PRPS1: variants seen among roughly 807,000 people sequenced by gnomAD.
PRPS1 encodes ribose-phosphate pyrophosphokinase 1.
PRPS1 carries 1 observed loss-of-function variant against 16.9 expected under a neutral mutation model. That is an observed-to-expected ratio of 0.06 (90% CI 0.02 to 0.28). The LOEUF (loss-of-function observed/expected upper bound fraction) is 0.28, where lower values mean the gene tolerates loss of function less well. Among genes scored for constraint, PRPS1 ranks in the 10% least tolerant of loss-of-function variants. The pLI is 1.00. For synonymous variants in PRPS1, 70 were observed against 90.2 expected (o/e 0.78, Z 1.27); for missense variants, 47 against 254.0 (o/e 0.19, Z 5.54).
In PRPS1 at chrX:107,634,453, G is replaced by A. The variant is rs1275037463; in HGVS notation, c.123-4842G>A. 8.5e-5 allele frequency among the ~76,000 whole-genome samples: 9 copies of A among 105,366 alleles called. No individual in the cohort carries two copies. The East Asian group carries it at 2.1e-3, about 24-fold the overall frequency. The allele number at this position is 105,366 out of a possible 115,157, so 91.5% of individuals were successfully genotyped here. Reference sequence around the variant, plus strand: ...TCACCATGTTAGCCAGGATGGTCTCGATCTCCTGACCTCAGGTGATCTGCC... The same window carrying A: ...TCACCATGTTAGCCAGGATGGTCTCAATCTCCTGACCTCAGGTGATCTGCC... On this transcript the variant is annotated intron_variant, in intron 1 of 6. Coordinates refer to ENST00000372435, the MANE Select transcript of PRPS1 (RefSeq NM_002764.4).
chrX:107,646,165 C>T (rs1456090565), intron 5 of PRPS1, among the ~76,000 whole-genome samples: 1 of 111,560 alleles, frequency 9.0e-6, no homozygotes, highest in Non-Finnish European at 1.9e-5. Context: ...TGTAGTAGTA[C>T]AATTACGGCT....
intron 1 of PRPS1, among the ~76,000 whole-genome samples, chrX:107,634,790 A>G (rs1292752693): frequency 2.7e-5 from 3 of 110,226 alleles, no homozygotes; most frequent in Non-Finnish European, 5.7e-5. Flanking sequence ...ACTGTGGTCT[A>G]AGAATGTTGT....
Position 107,647,690 on chromosome X carries a change from C to T in PRPS1, c.789C>T (p.Asn263=), listed in dbSNP as rs1210109668. The T allele has an allele frequency of 2.5e-6, 3 of 1,208,855 alleles. No individual in the cohort carries two copies. Among genetic ancestry groups the T allele is most frequent in the African/African-American group, 1.8e-5 (1 of 57,082 alleles). The stretch of plus-strand genomic sequence containing the variant: ...GTCCTGCTATTTCTCGCATCAACAA[C>T]GCATGCTTTGAGGCAGTAGTAGTCA... ...FSGPAISRIN[N]ACFEAVVVTN... is the part of the protein sequence containing the mutation. Residue 263 remains asparagine (N), a synonymous_variant, in exon 6 of 7, where the codon AAC becomes AAT. Coordinates refer to ENST00000372435, the MANE Select transcript of PRPS1 (RefSeq NM_002764.4).
chrX:107,633,080 A>G (rs1925342365), intron 1 of PRPS1, among the ~76,000 whole-genome samples: 1 of 111,762 alleles, frequency 8.9e-6, no homozygotes, highest in Admixed American at 9.6e-5. Context: ...AAGTTATTAG[A>G]TACATGCCTT....
In PRPS1 at chrX:107,642,320, G is replaced by A. The variant is rs372046005; in HGVS notation, c.406-46G>A. 5 of 1,206,336 alleles carry A rather than the reference G, an allele frequency of 4.1e-6. No homozygotes were observed. The African/African-American group carries it at 8.7e-5, about 21-fold the overall frequency. Reference sequence around the variant, plus strand: ...ACTTTGTGTTTGCCATTTATAAATGGAAGAGAAGGAAAGTGAAGCAAAACT... The same window carrying A: ...ACTTTGTGTTTGCCATTTATAAATGAAAGAGAAGGAAAGTGAAGCAAAACT... On this transcript the variant is annotated intron_variant, in intron 3 of 6. Coordinates refer to ENST00000372435, the MANE Select transcript of PRPS1 (RefSeq NM_002764.4).
Position 107,640,827 on chromosome X carries a change from A to G in PRPS1, c.307-75A>G, listed in dbSNP as rs769832506. The G allele has an allele frequency of 1.2e-4, 137 of 1,104,892 alleles. 1 individual carries two copies. In the African/African-American group the frequency reaches 2.0e-3, roughly 16 times the overall value. 91.1% of individuals were successfully genotyped at this position (1,104,892 alleles called of 1,213,427 possible). Reference sequence around the variant, plus strand: ...CTTTAACATAGTAGGTACACAATAAATAGTTTCTTGAGTAAATGAATTGTT... The same window carrying G: ...CTTTAACATAGTAGGTACACAATAAGTAGTTTCTTGAGTAAATGAATTGTT... On this transcript the variant is annotated intron_variant, in intron 2 of 6. Coordinates refer to ENST00000372435, the MANE Select transcript of PRPS1 (RefSeq NM_002764.4).
At chrX:107,642,541 T>C (rs1267387393) in intron 4 of PRPS1, 51 bp downstream of exon 4, 8 of 1,205,556 alleles carry the variant, frequency 6.6e-6, no homozygotes, top group Non-Finnish European at 9.0e-6. Context: ...ATCTTTCAGA[T>C]GGTTGTGTCA....
intron 1 of PRPS1, among the ~76,000 whole-genome samples, chrX:107,634,647 C>G (rs1404803955): frequency 9.1e-6 from 1 of 110,216 alleles, no homozygotes; most frequent in Non-Finnish European, 1.9e-5. Flanking sequence ...AACTTCCAGG[C>G]AAAAAATCCT....
intron 1 of PRPS1, among the ~76,000 whole-genome samples, chrX:107,630,664 G>C (rs1925289312): frequency 9.2e-6 from 1 of 108,953 alleles, no homozygotes; most frequent in South Asian, 3.9e-4. Flanking sequence ...GGTGACTCTT[G>C]GTTGATGCTC....
At chrX:107,641,977 A>T (rs1925583391) in intron 3 of PRPS1, among the ~76,000 whole-genome samples, 1 of 112,695 alleles carries the variant, frequency 8.9e-6, no homozygotes, top group Non-Finnish European at 1.9e-5. Context: ...TAGCATCTCT[A>T]ACTGGTTTAT....
chrX:107,629,505 TA>T (rs1183534185), intron 1 of PRPS1, among the ~76,000 whole-genome samples: 4 of 112,319 alleles, frequency 3.6e-5, no homozygotes, highest in Admixed American at 1.9e-4. Flanking sequence ...GTGGTACAGA[TA>T]ATGCAAAAGC....
At chrX:107,649,051 G>A (rs997157383) in intron 6 of PRPS1, among the ~76,000 whole-genome samples, 1 of 111,207 alleles carries the variant, frequency 9.0e-6, no homozygotes, top group Non-Finnish European at 1.9e-5. Flanking sequence ...GAGCCACCAC[G>A]CCCAGCCTAT....
chrX:107,650,078 T>G lies in PRPS1; in HGVS notation c.*46T>G. 6 of 1,209,827 alleles carry G rather than the reference T, an allele frequency of 5.0e-6. No individual in the cohort carries two copies. Among genetic ancestry groups the G allele is most frequent in the Non-Finnish European group, 6.7e-6 (6 of 894,599 alleles). ...TTTGAGAATAAAATCCACCCCACCC[T>G]TGTTTCCCCTTGGTATTTGATGACA... On this transcript the variant is annotated 3_prime_UTR_variant, in exon 7 of 7. Transcript: ENST00000372435.
chrX:107,631,344 G>C (rs1029211092), intron 1 of PRPS1, among the ~76,000 whole-genome samples: 7 of 111,757 alleles, frequency 6.3e-5, no homozygotes, highest in Non-Finnish European at 9.4e-5. Flanking sequence ...GCCTGCCTCT[G>C]CCTCTCAAGT....
intron 1 of PRPS1, among the ~76,000 whole-genome samples, chrX:107,633,629 TA>T (rs1253297848): frequency 9.0e-6 from 1 of 110,732 alleles, no homozygotes; most frequent in Non-Finnish European, 1.9e-5. Context: ...ATGTATATTT[TA>T]AAAATAATCA....
intron 1 of PRPS1, among the ~76,000 whole-genome samples, chrX:107,629,565 C>T (rs1003253429): frequency 8.9e-6 from 1 of 112,380 alleles, no homozygotes; most frequent in Non-Finnish European, 1.9e-5. Flanking sequence ...CTTCTTTAAG[C>T]TCTGTGTAGG....
chrX:107,646,227 C>T (rs1271232666), intron 5 of PRPS1, among the ~76,000 whole-genome samples: 3 of 111,050 alleles, frequency 2.7e-5, no homozygotes, highest in African/African-American at 6.5e-5. Flanking sequence ...CTCAGACTCC[C>T]GAGTAGCTGG....
intron 5 of PRPS1, 70 bp downstream of exon 5, chrX:107,645,420 C>T: frequency 2.6e-6 from 3 of 1,152,890 alleles, no homozygotes; most frequent in South Asian, 1.8e-5. Flanking sequence ...ATGTCTTCAG[C>T]CTGCTGATTC....
intron 5 of PRPS1, among the ~76,000 whole-genome samples, chrX:107,646,579 C>G (rs891181739): frequency 4.5e-5 from 5 of 112,225 alleles, no homozygotes; most frequent in African/African-American, 1.6e-4. Flanking sequence ...GAATACTAGT[C>G]GCTATAACAG....
Sources: gnomAD v4.1 joint callset for allele counts (sites outside exome capture counted in the v4.1 genomes callset) on GRCh38, gnomAD v4.1.1 for gene constraint, MANE v1.5 for transcripts, NCBI Gene and HGNC (gene_info 2026-07-23, HGNC 2026-07-21) for gene names.